SPOP: variants seen among roughly 807,000 people sequenced by gnomAD.
The protein encoded by SPOP is speckle type BTB/POZ protein, also known as speckle-type POZ protein.
In SPOP, 11 loss-of-function variants were observed where a neutral mutation model predicts 45.6. The observed-to-expected ratio is 0.24, with a 90% confidence interval of 0.15 to 0.40. SPOP has a LOEUF of 0.40. SPOP is among the 10% of genes least tolerant of loss of function. The pLI is 1.00. For missense variants in SPOP, 152 were observed against 465.6 expected, an observed-to-expected ratio of 0.33 and a Z score of 6.20; for synonymous variants, 166 against 166.3, an observed-to-expected ratio of 1.00 and a Z score of 0.01.
At chr17:49,647,155 G>C (rs923476856) in intron 1 of SPOP, among the ~76,000 whole-genome samples, 19 of 151,424 alleles carry the variant, frequency 1.3e-4, no homozygotes, top group Admixed American at 4.6e-4. Context: ...AATTAGCCAG[G>C]TGTGGTGGTG....
At position 49,600,635 on chromosome 17, in the gene SPOP, G is replaced by A. The variant is rs376001885; in HGVS notation, c.981-113C>T. ...TTAGGTATAAAGGGTGTCAATGCAA[G>A]AAACAGAAGAACCCTTAATATGCAT... is the stretch of plus-strand genomic sequence containing the variant. On this transcript the variant is annotated intron_variant, in intron 9 of 9. Coordinates refer to ENST00000504102, the MANE Select transcript of SPOP (RefSeq NM_001007228.2). The surrounding 1 kb of genome is among the most constrained non-coding windows in gnomAD (Gnocchi z 4.2). The A allele has an allele frequency of 1.4e-5, 16 of 1,144,964 alleles. 1 individual carries two copies. The highest frequency in any genetic ancestry group is 1.2e-4 in the African/African-American group (8 of 64,970). The allele number at this position is 1,144,964 out of a possible 1,614,324, so 70.9% of individuals were successfully genotyped here.
intron 1 of SPOP, among the ~76,000 whole-genome samples, chr17:49,648,698 C>T (rs577672931): frequency 6.6e-6 from 1 of 152,340 alleles, no homozygotes; most frequent in South Asian, 2.1e-4. Context: ...AAGCAGCTCC[C>T]TGGTCTTTTT....
At chr17:49,675,741 C>T (rs375138376) in intron 1 of SPOP, among the ~76,000 whole-genome samples, 5 of 152,248 alleles carry the variant, frequency 3.3e-5, no homozygotes, top group African/African-American at 7.2e-5. Flanking sequence ...AAAATCAGGC[C>T]GGGCACAGTG....
intron 1 of SPOP, among the ~76,000 whole-genome samples, chr17:49,642,850 A>G (rs1365098486): frequency 2.0e-5 from 3 of 152,216 alleles, no homozygotes; most frequent in Admixed American, 6.5e-5. Context: ...GAAATTGCCT[A>G]TTGGGTGACA....
rs2073227156 is a variant in SPOP, at chr17:49,677,958, G to T, written c.-92C>A. The T allele has an allele frequency of 2.5e-6, 1 of 395,666 alleles. No individual in the cohort carries two copies. 24.5% of individuals were successfully genotyped at this position (395,666 alleles called of 1,614,324 possible). A position where few individuals can be genotyped will look rare whatever the true frequency, so the allele number is the denominator to read the frequency against. On this transcript the variant is annotated 5_prime_UTR_variant, in exon 1 of 10. Transcript: ENST00000504102. Reference sequence around the variant, plus strand: ...CTGAGAGCGGCGGCGACAGCTGCTGGTCCCCGTCCCCCTGCGCTTGCCTCA... The same window carrying T: ...CTGAGAGCGGCGGCGACAGCTGCTGTTCCCCGTCCCCCTGCGCTTGCCTCA...
At chr17:49,656,000 C>A (rs549102199) in intron 1 of SPOP, among the ~76,000 whole-genome samples, 3 of 151,962 alleles carry the variant, frequency 2.0e-5, no homozygotes, top group Non-Finnish European at 4.4e-5. Flanking sequence ...TTAGTAGAGA[C>A]GGGGTTTCTC....
intron 1 of SPOP, among the ~76,000 whole-genome samples, chr17:49,672,116 G>C (rs1413095602): frequency 6.6e-6 from 1 of 151,996 alleles, no homozygotes; most frequent in Non-Finnish European, 1.5e-5. Flanking sequence ...CTCCAGCCTG[G>C]GAGACAGAGC....
At chr17:49,620,136 C>T (rs1431459882) in intron 3 of SPOP, among the ~76,000 whole-genome samples, 1 of 151,558 alleles carries the variant, frequency 6.6e-6, no homozygotes, top group Admixed American at 6.6e-5. Context: ...CACCACTACG[C>T]TCCAGCCTGG....
intron 6 of SPOP, among the ~76,000 whole-genome samples, chr17:49,608,944 C>T (rs996060857): frequency 2.0e-5 from 3 of 151,210 alleles, no homozygotes; most frequent in African/African-American, 7.3e-5. Flanking sequence ...TGCTCTGTTG[C>T]CTAGGCTAGA....
At chr17:49,606,083 T>C (rs2071838255) in intron 8 of SPOP, among the ~76,000 whole-genome samples, 1 of 152,136 alleles carries the variant, frequency 6.6e-6, no homozygotes, top group African/African-American at 2.4e-5. Context: ...CCCTATATTA[T>C]CTATACTAAT....
chr17:49,672,947 G>GA (rs200463098), intron 1 of SPOP, among the ~76,000 whole-genome samples: 1,496 of 143,478 alleles, frequency 0.01, 25 homozygotes, highest in East Asian at 0.093. Context: ...ACTCCATCTC[G>GA]AAAAAAAAAC....
At chr17:49,601,341 T>C (rs996026463) in intron 9 of SPOP, 3 of 152,300 alleles carry the variant, frequency 2.0e-5, no homozygotes, top group Non-Finnish European at 4.4e-5. Context: ...TATTATTTCA[T>C]ATTATTATTA....
chr17:49,600,152 A>G lies in SPOP; in HGVS notation c.*226T>C, dbSNP rs752124955. On this transcript the variant is annotated 3_prime_UTR_variant, in exon 10 of 10. Coordinates refer to ENST00000504102, the MANE Select transcript of SPOP (RefSeq NM_001007228.2). The surrounding 1 kb of genome is among the most constrained non-coding windows in gnomAD (Gnocchi z 4.2). ...CCACAGTATCAAACTCAGCCAGGCC[A>G]AAGGGAACACAGTGACGCAGCAACA... 4 of 611,728 alleles carry G rather than the reference A, an allele frequency of 6.5e-6. No individual in the cohort carries two copies. The highest frequency in any genetic ancestry group is 1.1e-5 in the Non-Finnish European group (4 of 352,932). 37.9% of individuals were successfully genotyped at this position (611,728 alleles called of 1,614,324 possible). A position where few individuals can be genotyped will look rare whatever the true frequency, so the allele number is the denominator to read the frequency against.
At chr17:49,673,378 C>T (rs1330841303) in intron 1 of SPOP, among the ~76,000 whole-genome samples, 1 of 151,504 alleles carries the variant, frequency 6.6e-6, no homozygotes, top group Non-Finnish European at 1.5e-5. Context: ...TGGTGGCGGG[C>T]GCCTGTAGTC....
At chr17:49,677,732 T>G (rs1332571768) in intron 1 of SPOP, among the ~76,000 whole-genome samples, 1 of 148,684 alleles carries the variant, frequency 6.7e-6, no homozygotes, top group Non-Finnish European at 1.5e-5. Context: ...TCTGAATGCT[T>G]GAGATAGGGA....
chr17:49,633,996 G>C (rs1454370396), intron 1 of SPOP, among the ~76,000 whole-genome samples: 1 of 142,140 alleles, frequency 7.0e-6, no homozygotes, highest in Non-Finnish European at 1.5e-5. Flanking sequence ...CTGCTAGGAA[G>C]AAAAACTCCT....
At chr17:49,647,922 CCA>C (rs2072786372) in intron 1 of SPOP, among the ~76,000 whole-genome samples, 1 of 152,220 alleles carries the variant, frequency 6.6e-6, no homozygotes, top group Non-Finnish European at 1.5e-5. Flanking sequence ...GTGTCTTTCT[CCA>C]CAGTTACCTT....
chr17:49,638,709 TCAAATGAGCCATC>T lies in SPOP; in HGVS notation c.-66-15846_-66-15834del, dbSNP rs774408186. On this transcript the variant is annotated intron_variant, in intron 1 of 9. Coordinates refer to ENST00000504102, the MANE Select transcript of SPOP (RefSeq NM_001007228.2). Reference sequence around the variant, plus strand: ...AACCAAGTCCAGTTACTATCAGTGATCAAATGAGCCATCACCAAAAACTGTGCTAAATGACTGA... The same window carrying T: ...AACCAAGTCCAGTTACTATCAGTGATACCAAAAACTGTGCTAAATGACTGA... Among the ~76,000 whole-genome samples, 94 of 152,312 alleles carry T rather than the reference TCAAATGAGCCATC, an allele frequency of 6.2e-4. 1 individual carries two copies. The highest frequency in any genetic ancestry group is 3.7e-3 in the Admixed American group (57 of 15,296).
rs1010266964 is a variant in SPOP at position 49,619,509 on chromosome 17, G to A, written c.201-124C>T. On this transcript the variant is annotated intron_variant, in intron 3 of 9. Transcript: ENST00000504102. This position sits in a 1 kb window ranked among gnomAD's most constrained non-coding sequence, Gnocchi z 4.9. ...AGGCCCCATAGAAGAATATAATTCA[G>A]TAGAATGACTAGTTGGGAACAACTT... The A allele has an allele frequency of 2.8e-6, 3 of 1,078,698 alleles. No individual in the cohort carries two copies. The highest frequency in any genetic ancestry group is 3.0e-4 in the Middle Eastern group (1 of 3,294). 66.8% of individuals were successfully genotyped at this position (1,078,698 alleles called of 1,614,324 possible). A position where few individuals can be genotyped will look rare whatever the true frequency, so the allele number is the denominator to read the frequency against.
Sources: gnomAD v4.1 joint callset for allele counts (sites outside exome capture counted in the v4.1 genomes callset) on GRCh38, gnomAD v4.1.1 for gene constraint, Gnocchi (gnomAD v3.1) non-coding constraint, MANE v1.5 for transcripts, NCBI Gene and HGNC (gene_info 2026-07-23, HGNC 2026-07-21) for gene names.